Variants in CNTN4 observed in about 807,000 individuals in gnomAD.
CNTN4 encodes the protein contactin 4.
Under a neutral mutation model 122.5 loss-of-function variants are expected in CNTN4, and 77 were observed. That is an observed-to-expected ratio of 0.63 (90% confidence interval 0.52 to 0.76). The LOEUF (loss-of-function observed/expected upper bound fraction) is 0.76, where lower values mean the gene tolerates loss of function less well. Ranked by LOEUF, CNTN4 falls within the 30% of genes least tolerant of loss-of-function variation. CNTN4 has a pLI of 0.00. For synonymous variants in CNTN4, 512 were observed against 447.0 expected (o/e 1.15, Z -1.83); for missense variants, 1,256 against 1,259.1 (o/e 1.00, Z 0.04).
rs543622139 is a variant in CNTN4, at chr3:2,698,443, A to G, written c.56-37772A>G. 4.6e-5 allele frequency among the ~76,000 whole-genome samples: 7 copies of G among 152,290 alleles called. No individual in the cohort carries two copies. The East Asian group carries it at 1.4e-3, about 29-fold the overall frequency. ...ATGACTTCATGCGGACCACGCCGTA[A>G]TCTAAGGGTCTAGAGCTCAGAGTGA... On this transcript the variant is annotated intron_variant, in intron 4 of 24. Transcript: ENST00000418658.
chr3:2,649,461 C>T (rs550644794), intron 4 of CNTN4, among the ~76,000 whole-genome samples: 2 of 152,256 alleles, frequency 1.3e-5, no homozygotes, highest in Non-Finnish European at 2.9e-5. Context: ...TGCCTGTGTT[C>T]TTTTATGGAA....
At chr3:2,268,254 C>G (rs555857333) in intron 2 of CNTN4, among the ~76,000 whole-genome samples, 10 of 151,972 alleles carry the variant, frequency 6.6e-5, no homozygotes, top group Non-Finnish European at 1.5e-4. Flanking sequence ...TCTTTCCATT[C>G]TCATGCTTTG....
chr3:2,444,181 C>A (rs769258219), intron 3 of CNTN4, among the ~76,000 whole-genome samples: 22 of 146,988 alleles, frequency 1.5e-4, no homozygotes, highest in Admixed American at 3.4e-4. Context: ...GGATAAAAAT[C>A]TCTGCCTTAT....
chr3:3,048,308 C>T (rs1030513188), intron 23 of CNTN4, among the ~76,000 whole-genome samples: 3 of 152,054 alleles, frequency 2.0e-5, no homozygotes, highest in Admixed American at 1.3e-4. Context: ...TATTTACATA[C>T]CATTTACATT....
chr3:2,233,575 T>C (rs1454910451), intron 2 of CNTN4, among the ~76,000 whole-genome samples: 2 of 152,172 alleles, frequency 1.3e-5, no homozygotes, highest in Non-Finnish European at 2.9e-5. Flanking sequence ...AGGATAGGCA[T>C]AGATGGTTTG....
intron 3 of CNTN4, among the ~76,000 whole-genome samples, chr3:2,525,233 G>T (rs975634137): frequency 6.6e-6 from 1 of 152,140 alleles, no homozygotes; most frequent in Non-Finnish European, 1.5e-5. Flanking sequence ...TGTTTTGCAA[G>T]TATTCTATGG....
intron 4 of CNTN4, among the ~76,000 whole-genome samples, chr3:2,677,199 C>A (rs2675311): frequency 0.46 from 68,318 of 148,594 alleles, 16,324 homozygotes; most frequent in South Asian, 0.59. Context: ...ATATATCTCT[C>A]TCTATATATG....
At chr3:2,765,809 G>C (rs987821270) in intron 6 of CNTN4, among the ~76,000 whole-genome samples, 33 of 152,226 alleles carry the variant, frequency 2.2e-4, no homozygotes, top group African/African-American at 7.2e-4. Context: ...GAAATACATA[G>C]CAAGTAATAA....
At chr3:2,412,614 T>G (rs2047266540) in intron 3 of CNTN4, among the ~76,000 whole-genome samples, 1 of 152,216 alleles carries the variant, frequency 6.6e-6, no homozygotes. Context: ...GCTCTTCTAA[T>G]TCTTATGCAA....
At chr3:2,730,869 C>T (rs899853593) in intron 4 of CNTN4, among the ~76,000 whole-genome samples, 1 of 151,846 alleles carries the variant, frequency 6.6e-6, no homozygotes, top group Non-Finnish European at 1.5e-5. Flanking sequence ...ATCCTGCTTG[C>T]CTGGGAGGGA....
chr3:2,208,255 A>G (rs1392045549), intron 2 of CNTN4, among the ~76,000 whole-genome samples: 1 of 152,152 alleles, frequency 6.6e-6, no homozygotes, highest in East Asian at 1.9e-4. Context: ...CAAAACAGCA[A>G]CATTACCAGA....
chr3:2,220,245 A>G (rs2039009524), intron 2 of CNTN4, among the ~76,000 whole-genome samples: 2 of 152,136 alleles, frequency 1.3e-5, no homozygotes, highest in Admixed American at 1.3e-4. Context: ...CTCTCCCTTC[A>G]GTAATCATTC....
intron 13 of CNTN4, among the ~76,000 whole-genome samples, chr3:2,965,658 A>G (rs1692231865): frequency 6.6e-6 from 1 of 152,082 alleles, no homozygotes; most frequent in Admixed American, 6.5e-5. Flanking sequence ...CAAAATGTAA[A>G]TCTGATGATA....
chr3:2,166,714 A>C (rs2036209173), intron 2 of CNTN4, among the ~76,000 whole-genome samples: 1 of 152,158 alleles, frequency 6.6e-6, no homozygotes, highest in Admixed American at 6.5e-5. Context: ...GAATCACTGA[A>C]GACTTAGAAG....
intron 2 of CNTN4, among the ~76,000 whole-genome samples, chr3:2,169,435 C>T (rs924036777): frequency 6.6e-6 from 1 of 150,484 alleles, no homozygotes; most frequent in Non-Finnish European, 1.5e-5. Flanking sequence ...GAGACGGAGT[C>T]TGGCTCTGTC....
intron 2 of CNTN4, among the ~76,000 whole-genome samples, chr3:2,328,249 CA>C (rs570430041): frequency 0.012 from 1,758 of 151,332 alleles, 23 homozygotes; most frequent in Non-Finnish European, 0.014. Flanking sequence ...ACTAAAAATA[CA>C]AAAAAATTAG....
rs540117572 is a variant in CNTN4 at position 2,970,581 on chromosome 3, G to T, written c.1359-17764G>T. Among the ~76,000 whole-genome samples the T allele has an allele frequency of 4.0e-5, 6 of 151,734 alleles. No homozygotes were observed. In the East Asian group the frequency reaches 7.8e-4, roughly 20 times the overall value. Reference sequence around the variant, plus strand: ...GCCACCTCAGCCTCCCGGGTGGTTGGGACTACAGGCGCACATCACTACACC... The same window carrying T: ...GCCACCTCAGCCTCCCGGGTGGTTGTGACTACAGGCGCACATCACTACACC... On this transcript the variant is annotated intron_variant, in intron 13 of 24. Coordinates refer to ENST00000418658, the MANE Select transcript of CNTN4 (RefSeq NM_175607.3).
intron 4 of CNTN4, among the ~76,000 whole-genome samples, chr3:2,647,744 T>C (rs530448881): frequency 1.2e-4 from 19 of 152,246 alleles, no homozygotes; most frequent in African/African-American, 4.3e-4. Context: ...TAAGACAGGA[T>C]AGGGAAAAGA....
intron 3 of CNTN4, among the ~76,000 whole-genome samples, chr3:2,565,411 A>C (rs2079114964): frequency 1.3e-5 from 2 of 152,192 alleles, no homozygotes; most frequent in Non-Finnish European, 2.9e-5. Flanking sequence ...ATAGAGTATA[A>C]AGCTGGTTAA....
Sources: gnomAD v4.1 joint callset for allele counts (sites outside exome capture counted in the v4.1 genomes callset) on GRCh38, gnomAD v4.1.1 for gene constraint, MANE v1.5 for transcripts, NCBI Gene and HGNC (gene_info 2026-07-23, HGNC 2026-07-21) for gene names.